The following HSD17B12 variants were observed in gnomAD, a reference collection of about 807,000 sequenced individuals.
HSD17B12 encodes very-long-chain 3-oxoacyl-CoA reductase.
HSD17B12 carries 32 observed loss-of-function variants against 39.3 expected under a neutral mutation model. The observed-to-expected ratio is 0.81, with a 90% confidence interval of 0.61 to 1.09. The LOEUF (loss-of-function observed/expected upper bound fraction) is 1.09, where lower values mean the gene tolerates loss of function less well. Among genes scored for constraint, HSD17B12 ranks in the 50% least tolerant of loss-of-function variants. The pLI is 0.00. For missense variants in HSD17B12, 342 were observed against 382.9 expected (o/e 0.89, Z 0.89); for synonymous variants, 150 against 146.7 (o/e 1.02, Z -0.16).
At chr11:43,808,119 T>G (rs1951036287) in intron 4 of HSD17B12, among the ~76,000 whole-genome samples, 1 of 152,152 alleles carries the variant, frequency 6.6e-6, no homozygotes, top group Admixed American at 6.6e-5. Context: ...AAATGATGAT[T>G]TCACTTTGGG....
chr11:43,745,650 T>G (rs1950405977), intron 1 of HSD17B12, among the ~76,000 whole-genome samples: 1 of 152,214 alleles, frequency 6.6e-6, no homozygotes, highest in Non-Finnish European at 1.5e-5. Flanking sequence ...GTTACTATAC[T>G]GAATACTATA....
chr11:43,657,825 AC>A, the HSD17B12 span, among the ~76,000 whole-genome samples: 2 of 152,074 alleles, frequency 1.3e-5, no homozygotes, highest in African/African-American at 4.8e-5. Flanking sequence ...CTCTCTGGCT[AC>A]CCTTAACATT....
At chr11:43,715,266 A>G (rs566788595) in intron 1 of HSD17B12, among the ~76,000 whole-genome samples, 1 of 152,226 alleles carries the variant, frequency 6.6e-6, no homozygotes, top group Non-Finnish European at 1.5e-5. Flanking sequence ...TGGGTTTGTC[A>G]TAAATAGCTC....
chr11:43,828,178 T>C (rs1951267349), intron 6 of HSD17B12, among the ~76,000 whole-genome samples: 1 of 149,296 alleles, frequency 6.7e-6, no homozygotes, highest in Non-Finnish European at 1.5e-5. Flanking sequence ...AGTCTCGCTC[T>C]GTCGCCCAGG....
At chr11:43,763,214 G>A (rs970320794) in intron 3 of HSD17B12, among the ~76,000 whole-genome samples, 2 of 152,058 alleles carry the variant, frequency 1.3e-5, no homozygotes, top group African/African-American at 4.8e-5. Flanking sequence ...TAAGTCTTAG[G>A]TACCCAAGAC....
intron 2 of HSD17B12, among the ~76,000 whole-genome samples, chr11:43,753,286 A>T (rs1950481284): frequency 6.6e-6 from 1 of 152,080 alleles, no homozygotes. Flanking sequence ...TTAAAATTTT[A>T]AAAATAATTA....
the HSD17B12 span, among the ~76,000 whole-genome samples, chr11:43,623,244 G>A: frequency 6.6e-6 from 1 of 152,104 alleles, no homozygotes; most frequent in African/African-American, 2.4e-5. Context: ...TTCCATGAAA[G>A]TCTTCCTTTA....
the HSD17B12 span, among the ~76,000 whole-genome samples, chr11:43,567,208 A>G: frequency 6.6e-6 from 1 of 152,096 alleles, no homozygotes; most frequent in African/African-American, 2.4e-5. Context: ...CTGTCACTCT[A>G]GATATTTGTG....
intron 3 of HSD17B12, among the ~76,000 whole-genome samples, chr11:43,767,239 T>C (rs1052076727): frequency 6.6e-5 from 10 of 152,240 alleles, no homozygotes; most frequent in African/African-American, 2.4e-4. Context: ...TTGGGAAATG[T>C]GGGACCAAGG....
intron 1 of HSD17B12, among the ~76,000 whole-genome samples, chr11:43,689,237 C>T (rs1590661110): frequency 3.3e-5 from 5 of 152,210 alleles, no homozygotes. Context: ...TTTAAGTCTT[C>T]ACCACATGCA....
the HSD17B12 span, among the ~76,000 whole-genome samples, chr11:43,640,151 G>T: frequency 6.6e-6 from 1 of 152,080 alleles, no homozygotes; most frequent in East Asian, 1.9e-4. Context: ...GGGAATGGTG[G>T]ATTCATAGAA....
the HSD17B12 span, among the ~76,000 whole-genome samples, chr11:43,660,356 A>G: frequency 4.6e-5 from 7 of 152,188 alleles, no homozygotes; most frequent in Non-Finnish European, 7.3e-5. Context: ...CTTGATTTGA[A>G]CAGTTACTTC....
intron 3 of HSD17B12, among the ~76,000 whole-genome samples, chr11:43,759,697 CCTTT>C (rs1479456263): frequency 6.6e-6 from 1 of 151,864 alleles, no homozygotes; most frequent in African/African-American, 2.4e-5. Context: ...ATTTTACAGT[CCTTT>C]CTTCCTTCTC....
chr11:43,836,123 C>A (rs1590340153), intron 7 of HSD17B12, among the ~76,000 whole-genome samples: 1 of 152,152 alleles, frequency 6.6e-6, no homozygotes, highest in Non-Finnish European at 1.5e-5. Context: ...TTCAAGGGCA[C>A]ATATAACAAC....
At chr11:43,751,786 G>A (rs1179033402) in intron 2 of HSD17B12, among the ~76,000 whole-genome samples, 2 of 152,068 alleles carry the variant, frequency 1.3e-5, no homozygotes, top group Non-Finnish European at 2.9e-5. Context: ...TTATTTCGCT[G>A]GACCATTTGT....
At chr11:43,696,093 G>T (rs1198585681) in intron 1 of HSD17B12, among the ~76,000 whole-genome samples, 1 of 152,164 alleles carries the variant, frequency 6.6e-6, no homozygotes, top group Non-Finnish European at 1.5e-5. Context: ...GTGAGAACAT[G>T]TGGTATTTGG....
chr11:43,828,043 T>A (rs1383924372), intron 6 of HSD17B12, among the ~76,000 whole-genome samples: 1 of 151,966 alleles, frequency 6.6e-6, no homozygotes, highest in African/African-American at 2.4e-5. Context: ...TCACTGAAAA[T>A]ATATATGTAT....
the HSD17B12 span, among the ~76,000 whole-genome samples, chr11:43,626,694 T>A: frequency 6.6e-6 from 1 of 151,998 alleles, no homozygotes; most frequent in Non-Finnish European, 1.5e-5. Context: ...TCAACCCTTA[T>A]GCAAATGAAA....
chr11:43,812,416 A>C (rs953558771), intron 4 of HSD17B12, among the ~76,000 whole-genome samples: 1 of 152,138 alleles, frequency 6.6e-6, no homozygotes, highest in Non-Finnish European at 1.5e-5. Context: ...AGCTACTCTA[A>C]CTGGGGTAAG....
Sources: gnomAD v4.1 joint callset for allele counts (sites outside exome capture counted in the v4.1 genomes callset) on GRCh38, gnomAD v4.1.1 for gene constraint, MANE v1.5 for transcripts, NCBI Gene and HGNC (gene_info 2026-07-23, HGNC 2026-07-21) for gene names.